STRA6: variants seen among roughly 807,000 people sequenced by gnomAD.
STRA6 encodes the protein signaling receptor and transporter of retinol STRA6, also known as receptor for retinol uptake STRA6.
STRA6 carries 48 observed loss-of-function variants against 83.6 expected under a neutral mutation model. That is an observed-to-expected ratio of 0.57 (90% CI 0.46 to 0.73). The LOEUF (loss-of-function observed/expected upper bound fraction) is 0.73. Among genes scored for constraint, STRA6 ranks in the 30% least tolerant of loss-of-function variants. The probability of loss-of-function intolerance (pLI) is 0.00; values close to 1 mark genes in which losing one functional copy is unlikely to be tolerated. For synonymous variants in STRA6, 353 were observed against 362.3 expected, an observed-to-expected ratio of 0.97 and a Z score of 0.29; for missense variants, 760 against 838.8, an observed-to-expected ratio of 0.91 and a Z score of 1.16.
chr15:74,202,898 GC>G (rs1341460433), upstream of STRA6: 2 of 993,504 alleles, frequency 2.0e-6, no homozygotes, highest in South Asian at 4.7e-5. Flanking sequence ...CCTTGACAAA[GC>G]CCCCCTCCTG....
At chr15:74,202,934 G>A, upstream of STRA6, 1 of 988,228 alleles carries the variant, frequency 1.0e-6, no homozygotes, top group Non-Finnish European at 1.2e-6. Context: ...AGCACCATTG[G>A]CGGCCTGAGC....
chr15:74,203,102 A>T (rs952650813), upstream of STRA6: 87 of 985,430 alleles, frequency 8.8e-5, no homozygotes, highest in Admixed American at 1.8e-4. Context: ...CAACCGAGTG[A>T]GACGGACCGC....
intron 12 of STRA6, among the ~76,000 whole-genome samples, chr15:74,187,042 C>T (rs961077961): frequency 2.6e-5 from 4 of 152,248 alleles, no homozygotes; most frequent in East Asian, 1.9e-4. Context: ...TAGCTCCAGC[C>T]TCTGTGGTCC....
intron 2 of STRA6, among the ~76,000 whole-genome samples, chr15:74,199,260 C>T (rs1013721316): frequency 2.6e-5 from 4 of 152,218 alleles, no homozygotes; most frequent in South Asian, 4.1e-4. Context: ...CTGTCCTGCT[C>T]GCTTTCTCTC....
chr15:74,183,791 A>C, intron 14 of STRA6, 65 bp downstream of exon 14: 1 of 1,611,904 alleles, frequency 6.2e-7, no homozygotes, highest in Admixed American at 1.7e-5. Flanking sequence ...CTTCTCCCCA[A>C]CTGAGGCCAG....
chr15:74,190,065 C>T (rs932896675), intron 11 of STRA6, among the ~76,000 whole-genome samples: 33 of 152,070 alleles, frequency 2.2e-4, no homozygotes, highest in African/African-American at 6.8e-4. Flanking sequence ...AATACTACAC[C>T]ATCGTATATC....
rs111378553 is a variant in STRA6, at chr15:74,198,407, G to A, written c.114-589C>T. Among the ~76,000 whole-genome samples, 82 of 152,142 alleles carry A rather than the reference G, an allele frequency of 5.4e-4. 1 individual carries two copies. Among genetic ancestry groups the A allele is most frequent in the African/African-American group, 1.8e-3 (75 of 41,512 alleles). ...ATTACAGGTGTGAGCCACTGTGCCC[G>A]GCTGAGCACTTATTCTTGCTCACCC... On this transcript the variant is annotated intron_variant, in intron 2 of 18. Coordinates refer to ENST00000395105, the MANE Select transcript of STRA6 (RefSeq NM_022369.4).
chr15:74,209,327 G>C, upstream of STRA6: 1 of 1,502,304 alleles, frequency 6.7e-7, no homozygotes, highest in Non-Finnish European at 9.0e-7. Context: ...CCCAGATGTG[G>C]CCTTAGAGAA....
chr15:74,196,189 C>G (rs892505046), intron 4 of STRA6, 42 bp from the exon 5 acceptor site: 1 of 1,609,412 alleles, frequency 6.2e-7, no homozygotes, highest in African/African-American at 1.3e-5. Context: ...AGTTGCTCAG[C>G]CCCTGCACCC....
intron 2 of STRA6, among the ~76,000 whole-genome samples, chr15:74,200,161 A>G (rs1567197644): frequency 6.6e-6 from 1 of 152,224 alleles, no homozygotes; most frequent in Non-Finnish European, 1.5e-5. Flanking sequence ...CGGAGGTTGC[A>G]GTGAGCCAAG....
At chr15:74,209,255 T>A (rs1256952485), upstream of STRA6, 3 of 1,165,916 alleles carry the variant, frequency 2.6e-6, no homozygotes, top group African/African-American at 4.6e-5. Context: ...AAACTTGATC[T>A]CCTTGGCCCT....
At chr15:74,204,706 G>A (rs1055381887), upstream of STRA6, among the ~76,000 whole-genome samples, 1 of 152,208 alleles carries the variant, frequency 6.6e-6, no homozygotes, top group Non-Finnish European at 1.5e-5. Context: ...GCCGAGGCAG[G>A]TGGATCACCT....
At chr15:74,190,593 A>G (rs2073481596) in intron 11 of STRA6, among the ~76,000 whole-genome samples, 1 of 152,208 alleles carries the variant, frequency 6.6e-6, no homozygotes, top group Non-Finnish European at 1.5e-5. Context: ...GGAGGTAAAT[A>G]GTGGAGCTAG....
chr15:74,190,369 G>A (rs562000645), intron 11 of STRA6, among the ~76,000 whole-genome samples: 1 of 151,928 alleles, frequency 6.6e-6, no homozygotes, highest in South Asian at 2.1e-4. Context: ...CTGTAAAGTG[G>A]AGAATAATCA....
At chr15:74,189,859 T>A (rs1348467931) in intron 11 of STRA6, among the ~76,000 whole-genome samples, 3 of 152,068 alleles carry the variant, frequency 2.0e-5, no homozygotes, top group Non-Finnish European at 2.9e-5. Flanking sequence ...AGACAGGGTT[T>A]CACTACATTG....
upstream of STRA6, among the ~76,000 whole-genome samples, chr15:74,205,890 G>T (rs900621891): frequency 6.6e-6 from 1 of 152,268 alleles, no homozygotes. Context: ...AGCAAGCAGA[G>T]CGCAGCCTTG....
intron 4 of STRA6, 50 bp from the exon 5 acceptor site, chr15:74,196,197 C>A: frequency 1.2e-6 from 2 of 1,607,372 alleles, no homozygotes; most frequent in Non-Finnish European, 1.7e-6. Flanking sequence ...AGCCCCTGCA[C>A]CCCCATTACC....
intron 13 of STRA6, 67 bp downstream of exon 13, chr15:74,184,913 C>T (rs995954792): frequency 2.1e-5 from 31 of 1,509,618 alleles, no homozygotes; most frequent in Middle Eastern, 1.7e-4. Context: ...AGGGCCTCCC[C>T]GCAGGCCCAC....
intron 4 of STRA6, among the ~76,000 whole-genome samples, 153 bp downstream of exon 4, chr15:74,197,185 T>A (rs549210198): frequency 1.4e-4 from 22 of 152,168 alleles, no homozygotes; most frequent in African/African-American, 5.3e-4. Context: ...CCTGGAGACC[T>A]AGGTGGGGGT....
Sources: allele counts gnomAD v4.1 joint callset (sites outside exome capture counted in the v4.1 genomes callset), GRCh38; gene constraint gnomAD v4.1.1; transcripts MANE v1.5; gene names NCBI Gene and HGNC (gene_info 2026-07-23, HGNC 2026-07-21).